The following MAOB variants were observed in gnomAD, a reference collection of about 807,000 sequenced individuals.
The protein encoded by MAOB is amine oxidase [flavin-containing] B.
In MAOB, 15 loss-of-function variants were observed where a neutral mutation model predicts 41.9. The ratio of observed to expected loss-of-function variants is 0.36; its 90% confidence interval spans 0.24 to 0.55. The LOEUF is 0.55. Ranked by LOEUF, MAOB falls within the 20% of genes least tolerant of loss-of-function variation. The pLI is 0.86. For synonymous variants in MAOB, 167 were observed against 144.2 expected (o/e 1.16, Z -1.13); for missense variants, 345 against 398.7 (o/e 0.87, Z 1.15).
At position 43,795,230 on chromosome X, in the gene MAOB, T is replaced by C. The variant is rs779764315; in HGVS notation, c.768+509A>G. Among the ~76,000 whole-genome samples the C allele has an allele frequency of 8.9e-5, 10 of 111,861 alleles. No homozygotes were observed. The South Asian group carries it at 1.1e-3, about 13-fold the overall frequency. ...ACAACCCCTTCAAGTTTGATTGATTTGCTACAGTGGCTCACAGAACTCAGG... is the reference window on the plus strand; with the variant it reads ...ACAACCCCTTCAAGTTTGATTGATTCGCTACAGTGGCTCACAGAACTCAGG... On this transcript the variant is annotated intron_variant, in intron 7 of 14. Transcript: ENST00000378069.
At chrX:43,782,450 G>A (rs771101858) in intron 8 of MAOB, among the ~76,000 whole-genome samples, 25 of 110,913 alleles carry the variant, frequency 2.3e-4, no homozygotes, top group African/African-American at 7.5e-4. Context: ...GGAAGAAATC[G>A]AACCCCTGAA....
At chrX:43,828,588 G>T (rs1440327334) in intron 3 of MAOB, among the ~76,000 whole-genome samples, 1 of 111,401 alleles carries the variant, frequency 9.0e-6, no homozygotes, top group Non-Finnish European at 1.9e-5. Flanking sequence ...ACGGAAAGGG[G>T]AGAAGGGTTG....
chrX:43,772,790 T>C (rs1331330183), intron 12 of MAOB, among the ~76,000 whole-genome samples: 1 of 111,146 alleles, frequency 9.0e-6, no homozygotes, highest in Non-Finnish European at 1.9e-5. Flanking sequence ...GCCTTCTTCA[T>C]GATAGTGAGT....
intron 8 of MAOB, among the ~76,000 whole-genome samples, chrX:43,788,379 T>C (rs140795764): frequency 3.0e-4 from 34 of 111,805 alleles, no homozygotes; most frequent in African/African-American, 1.0e-3. Flanking sequence ...AGAAGACAGA[T>C]ATGGAACTTA....
At chrX:43,787,787 T>C (rs2034418884) in intron 8 of MAOB, among the ~76,000 whole-genome samples, 1 of 111,786 alleles carries the variant, frequency 8.9e-6, no homozygotes, top group African/African-American at 3.3e-5. Flanking sequence ...CAACAAATCG[T>C]TAAAAACTGA....
At chrX:43,843,821 C>T in intron 1 of MAOB, 57 bp from the exon 2 acceptor site, 1 of 1,185,285 alleles carries the variant, frequency 8.4e-7, no homozygotes. Context: ...AGACAAGCTC[C>T]TCATGCTAAC....
intron 12 of MAOB, among the ~76,000 whole-genome samples, chrX:43,769,626 T>A (rs1451861788): frequency 8.9e-6 from 1 of 112,053 alleles, no homozygotes; most frequent in Middle Eastern, 4.6e-3. Flanking sequence ...AGTTCACTCC[T>A]GCACCAAGAG....
At chrX:43,841,035 A>G (rs963682606) in intron 2 of MAOB, among the ~76,000 whole-genome samples, 2 of 110,530 alleles carry the variant, frequency 1.8e-5, no homozygotes, top group African/African-American at 6.6e-5. Context: ...TGTATCCCAG[A>G]ACTTAAAGTA....
chrX:43,804,578 GAGAA>G (rs2034639125), intron 3 of MAOB, among the ~76,000 whole-genome samples: 1 of 111,655 alleles, frequency 9.0e-6, no homozygotes, highest in African/African-American at 3.3e-5. Context: ...GAGAGAAACA[GAGAA>G]AGAGAGAAGG....
intron 8 of MAOB, among the ~76,000 whole-genome samples, 155 bp from the exon 9 acceptor site, chrX:43,781,699 A>T (rs773569491): frequency 8.9e-6 from 1 of 112,191 alleles, no homozygotes; most frequent in East Asian, 2.8e-4. Context: ...AACTGATGTC[A>T]AAGGAGGGAT....
At chrX:43,842,994 A>G (rs1330567775) in intron 2 of MAOB, among the ~76,000 whole-genome samples, 2 of 111,307 alleles carry the variant, frequency 1.8e-5, no homozygotes, top group Non-Finnish European at 3.8e-5. Context: ...TTTGAAATCC[A>G]TTGCACAGTA....
At chrX:43,859,131 C>T (rs1285036879) in intron 1 of MAOB, among the ~76,000 whole-genome samples, 1 of 111,402 alleles carries the variant, frequency 9.0e-6, no homozygotes, top group Non-Finnish European at 1.9e-5. Context: ...AACAAAATAC[C>T]TATTGCTGGT....
intron 5 of MAOB, among the ~76,000 whole-genome samples, chrX:43,799,840 T>C (rs967081675): frequency 9.0e-6 from 1 of 111,646 alleles, no homozygotes; most frequent in Non-Finnish European, 1.9e-5. Flanking sequence ...CAGAAGATAA[T>C]TACTAGTCTC....
intron 1 of MAOB, among the ~76,000 whole-genome samples, chrX:43,862,903 G>A (rs763822950): frequency 9.0e-6 from 1 of 111,707 alleles, no homozygotes; most frequent in East Asian, 2.8e-4. Flanking sequence ...AATTGAATAA[G>A]AGACACAAGA....
chrX:43,792,997 C>T (rs2034481746), intron 8 of MAOB, among the ~76,000 whole-genome samples: 1 of 111,858 alleles, frequency 8.9e-6, no homozygotes, highest in Admixed American at 9.5e-5. Context: ...ACTATGCAGC[C>T]ATAAAAAGAG....
At chrX:43,840,779 T>C (rs1446312203) in intron 2 of MAOB, among the ~76,000 whole-genome samples, 2 of 111,223 alleles carry the variant, frequency 1.8e-5, no homozygotes, top group Non-Finnish European at 3.8e-5. Flanking sequence ...GCTTTTCTCA[T>C]GGTCTTCACA....
At chrX:43,770,661 G>C (rs771000544) in intron 12 of MAOB, among the ~76,000 whole-genome samples, 24 of 111,768 alleles carry the variant, frequency 2.1e-4, no homozygotes, top group African/African-American at 7.5e-4. Flanking sequence ...CATATGAGAA[G>C]ACTGAGGCTT....
At chrX:43,810,084 A>C (rs1237598315) in intron 3 of MAOB, among the ~76,000 whole-genome samples, 1 of 101,368 alleles carries the variant, frequency 9.9e-6, no homozygotes, top group Non-Finnish European at 2.0e-5. Flanking sequence ...TCTACTAAAA[A>C]TACAAAAAAT....
intron 1 of MAOB, among the ~76,000 whole-genome samples, chrX:43,863,935 C>G (rs940921326): frequency 9.0e-6 from 1 of 111,574 alleles, no homozygotes; most frequent in African/African-American, 3.2e-5. Context: ...TTTTTCAAGG[C>G]TAGGGAGCTA....
Sources: gnomAD v4.1 joint callset for allele counts (sites outside exome capture counted in the v4.1 genomes callset) on GRCh38, gnomAD v4.1.1 for gene constraint, MANE v1.5 for transcripts, NCBI Gene and HGNC (gene_info 2026-07-23, HGNC 2026-07-21) for gene names.